Variants in SH2D4A observed in about 807,000 individuals in gnomAD.
The protein encoded by SH2D4A is SH2 domain containing 4A, also known as SH2 domain-containing protein 4A.
Under a neutral mutation model 64.7 loss-of-function variants are expected in SH2D4A, and 70 were observed. The observed-to-expected ratio is 1.08, with a 90% CI of 0.89 to 1.32. SH2D4A has a LOEUF of 1.32. Ranked by LOEUF, SH2D4A falls within the 40% of genes most tolerant of loss-of-function variation. The pLI is 0.00. For synonymous variants in SH2D4A, 268 were observed against 200.7 expected (o/e 1.34, Z -2.83); for missense variants, 706 against 540.1 (o/e 1.31, Z -3.04).
chr8:19,351,431 G>A (rs985691028), intron 4 of SH2D4A, among the ~76,000 whole-genome samples: 2 of 151,980 alleles, frequency 1.3e-5, no homozygotes, highest in East Asian at 1.9e-4. Flanking sequence ...GTGAAACCCC[G>A]TCTCTATTAA....
intron 1 of SH2D4A, among the ~76,000 whole-genome samples, chr8:19,316,937 T>G (rs947549928): frequency 1.3e-5 from 2 of 152,312 alleles, no homozygotes; most frequent in East Asian, 3.9e-4. Flanking sequence ...AGATGGTGCC[T>G]GGTACAAGAA....
Position 19,334,807 on chromosome 8 carries a change from C to A in SH2D4A, c.463C>A (p.Leu155Met). 6.2e-7 allele frequency: 1 copy of A among 1,614,032 alleles called. No homozygotes were observed. Among genetic ancestry groups the A allele is most frequent in the Non-Finnish European group, 8.5e-7 (1 of 1,179,972 alleles). The stretch of plus-strand genomic sequence containing the variant: ...GAAGAAAGTGGCAGAAAAGGAGGAA[C>A]TGGAGCAAGGATCGAGGCCAGCACC... Reference protein sequence around the residue: ...IWKKVAEKEELEQGSRPAPTL... With the variant: ...IWKKVAEKEEMEQGSRPAPTL... Residue 155 changes from leucine to methionine, a missense_variant, in exon 4 of 10, where the codon CTG (leucine) becomes ATG (methionine). By Grantham distance (15) the Leu-to-Met change is conservative. Transcript: ENST00000265807.
intron 8 of SH2D4A, among the ~76,000 whole-genome samples, chr8:19,376,346 GC>G (rs2053195198): frequency 6.6e-6 from 1 of 152,106 alleles, no homozygotes; most frequent in South Asian, 2.1e-4. Flanking sequence ...CCAAGACCAG[GC>G]ACAGTGGCTC....
intron 2 of SH2D4A, among the ~76,000 whole-genome samples, chr8:19,328,722 C>T (rs186076212): frequency 2.9e-4 from 44 of 152,260 alleles, no homozygotes; most frequent in African/African-American, 9.1e-4. Context: ...CAGAAATATT[C>T]GTGCATTCTT....
At chr8:19,332,924 C>A in intron 2 of SH2D4A, 31 bp from the exon 3 acceptor site, 19 of 1,600,280 alleles carry the variant, frequency 1.2e-5, no homozygotes, top group Admixed American at 1.8e-5. Flanking sequence ...TTTGTTCAAT[C>A]TGAATTTTTT....
At chr8:19,366,924 C>CATTAA in intron 7 of SH2D4A, among the ~76,000 whole-genome samples, 1 of 152,260 alleles carries the variant, frequency 6.6e-6, no homozygotes, top group East Asian at 1.9e-4. Context: ...AATGACAGGA[C>CATTAA]ATTATTCTTT....
chr8:19,322,590 T>TAATA (rs2052210087), intron 2 of SH2D4A, among the ~76,000 whole-genome samples: 1 of 150,372 alleles, frequency 6.7e-6, no homozygotes, highest in Non-Finnish European at 1.5e-5. Context: ...GTATTGTGCA[T>TAATA]CACAGAAACT....
chr8:19,340,818 G>C (rs948360437), intron 4 of SH2D4A, among the ~76,000 whole-genome samples: 2 of 151,834 alleles, frequency 1.3e-5, no homozygotes, highest in African/African-American at 4.8e-5. Flanking sequence ...GGCTGGTCTT[G>C]AACTCCTGGG....
At chr8:19,326,425 T>C (rs2052281114) in intron 2 of SH2D4A, among the ~76,000 whole-genome samples, 1 of 152,182 alleles carries the variant, frequency 6.6e-6, no homozygotes, top group South Asian at 2.1e-4. Context: ...TCTGCCAGCA[T>C]GGTAACAACC....
rs2052156792 is a variant in SH2D4A, at chr8:19,319,796, C to G, written c.181+68C>G. The G allele has an allele frequency of 2.1e-6, 3 of 1,439,860 alleles. 1 individual carries two copies. The South Asian group carries it at 4.7e-5, about 23-fold the overall frequency. The allele number at this position is 1,439,860 out of a possible 1,614,324, so 89.2% of individuals were successfully genotyped here. On this transcript the variant is annotated intron_variant, in intron 2 of 9. Coordinates refer to ENST00000265807, the MANE Select transcript of SH2D4A (RefSeq NM_022071.4). ...AGCTCCTGGCTTGCTTTGACAATTTCACACTAGTCACAAGCAAAGCAGGTG... is the reference window on the plus strand; with the variant it reads ...AGCTCCTGGCTTGCTTTGACAATTTGACACTAGTCACAAGCAAAGCAGGTG...
In SH2D4A at chr8:19,395,811, T is replaced by TTAGTTCATGCTGAG. The variant is rs2053580820; in HGVS notation, c.*1171_*1184dup. The TTAGTTCATGCTGAG allele has an allele frequency of 6.6e-6, 1 of 152,218 alleles. No individual in the cohort carries two copies. The highest frequency in any genetic ancestry group is 2.4e-5 in the African/African-American group (1 of 41,442). 9.4% of individuals were successfully genotyped at this position (152,218 alleles called of 1,614,324 possible). ...ATAAATGTCTGTTGTTTTAAGCTGCTTAGTTCATGCTGAGTTCATGCTGAC... is the reference window on the plus strand; with the variant it reads ...ATAAATGTCTGTTGTTTTAAGCTGCTTAGTTCATGCTGAGTAGTTCATGCTGAGTTCATGCTGAC... On this transcript the variant is annotated 3_prime_UTR_variant, in exon 10 of 10. Coordinates refer to ENST00000265807, the MANE Select transcript of SH2D4A (RefSeq NM_022071.4).
At chr8:19,361,170 GTTTTT>G (rs1403979103) in intron 5 of SH2D4A, 28 bp from the exon 6 acceptor site, 1 of 1,342,704 alleles carries the variant, frequency 7.4e-7, no homozygotes, top group Non-Finnish European at 1.0e-6. Context: ...GTTTTGTTTT[GTTTTT>G]GTTTTTTTTT....
At chr8:19,376,677 G>C (rs754455680) in intron 8 of SH2D4A, among the ~76,000 whole-genome samples, 2 of 151,998 alleles carry the variant, frequency 1.3e-5, no homozygotes, top group Non-Finnish European at 2.9e-5. Context: ...CCTTCCCAGA[G>C]ACATCCAGAA....
intron 4 of SH2D4A, among the ~76,000 whole-genome samples, chr8:19,340,882 G>C (rs961282713): frequency 2.0e-5 from 3 of 152,114 alleles, no homozygotes; most frequent in African/African-American, 7.2e-5. Flanking sequence ...ACAGGTGTGA[G>C]CCACTGCACC....
At chr8:19,318,921 A>G (rs1217008739) in intron 1 of SH2D4A, among the ~76,000 whole-genome samples, 2 of 151,998 alleles carry the variant, frequency 1.3e-5, no homozygotes, top group Non-Finnish European at 2.9e-5. Context: ...TGACATATCA[A>G]AAGTGGTATT....
intron 8 of SH2D4A, among the ~76,000 whole-genome samples, chr8:19,390,458 T>C (rs2053472664): frequency 6.6e-6 from 1 of 152,192 alleles, no homozygotes; most frequent in African/African-American, 2.4e-5. Context: ...TCCCAGCAGA[T>C]GAACCTCATT....
chr8:19,327,339 A>G (rs2052298178), intron 2 of SH2D4A, among the ~76,000 whole-genome samples: 1 of 152,158 alleles, frequency 6.6e-6, no homozygotes, highest in East Asian at 1.9e-4. Context: ...AGTGCGTGTA[A>G]TTTTAAGGTG....
chr8:19,390,946 T>C (rs936044800), intron 8 of SH2D4A, among the ~76,000 whole-genome samples: 3 of 152,232 alleles, frequency 2.0e-5, no homozygotes, highest in African/African-American at 7.2e-5. Flanking sequence ...TTCATCTGGA[T>C]AATTTCCAGA....
chr8:19,392,208 A>C (rs1411639622), intron 8 of SH2D4A, among the ~76,000 whole-genome samples: 1 of 152,214 alleles, frequency 6.6e-6, no homozygotes, highest in East Asian at 1.9e-4. Context: ...ATATAACTTC[A>C]TATGTGTATA....
Sources: gnomAD v4.1 joint callset for allele counts (sites outside exome capture counted in the v4.1 genomes callset) on GRCh38, gnomAD v4.1.1 for gene constraint, MANE v1.5 for transcripts, NCBI Gene and HGNC (gene_info 2026-07-23, HGNC 2026-07-21) for gene names.